The following RORA variants were observed in gnomAD, a reference collection of about 807,000 sequenced individuals.
The protein encoded by RORA is nuclear receptor ROR-alpha.
Under a neutral mutation model 69.5 loss-of-function variants are expected in RORA, and 7 were observed. The ratio of observed to expected loss-of-function variants is 0.10; its 90% confidence interval spans 0.06 to 0.19. The LOEUF (loss-of-function observed/expected upper bound fraction) is 0.19, where lower values mean the gene tolerates loss of function less well. Among genes scored for constraint, RORA ranks in the 10% least tolerant of loss-of-function variants. The pLI, the probability that RORA is intolerant of heterozygous loss-of-function variation, is 1.00. For synonymous variants in RORA, 261 were observed against 240.8 expected, an observed-to-expected ratio of 1.08 and a Z score of -0.78; for missense variants, 457 against 663.0, an observed-to-expected ratio of 0.69 and a Z score of 3.41.
intron 1 of RORA, among the ~76,000 whole-genome samples, chr15:61,004,117 G>T (rs898823737): frequency 6.6e-6 from 1 of 152,166 alleles, no homozygotes; most frequent in African/African-American, 2.4e-5. Context: ...CAGACAAGAG[G>T]AGGTTTCAAC....
chr15:60,514,784 C>T (rs757019111), intron 3 of RORA, 27 bp from the exon 4 acceptor site: 76 of 1,605,236 alleles, frequency 4.7e-5, no homozygotes, highest in Non-Finnish European at 4.8e-5. Context: ...AAATATAAAA[C>T]AGGTTAGTGT....
intron 1 of RORA, among the ~76,000 whole-genome samples, chr15:61,024,820 G>T (rs1895719113): frequency 6.6e-6 from 1 of 152,126 alleles, no homozygotes; most frequent in African/African-American, 2.4e-5. Flanking sequence ...CTGAGCTCTT[G>T]AGCTCAAGCA....
rs1484002386 is a variant in RORA at position 60,534,306 on chromosome 15, CAGTTGT to C, written c.197-2461_197-2456del. Among the ~76,000 whole-genome samples, 1 of 152,084 alleles carries C rather than the reference CAGTTGT, an allele frequency of 6.6e-6. No homozygotes were observed. Among genetic ancestry groups the C allele is most frequent in the Non-Finnish European group, 1.5e-5 (1 of 68,024 alleles). On this transcript the variant is annotated intron_variant, in intron 2 of 10. Coordinates refer to ENST00000335670, the MANE Select transcript of RORA (RefSeq NM_134261.3). This position sits in a 1 kb window ranked among gnomAD's most constrained non-coding sequence, Gnocchi z 5.0. ...TGAGGGTAGGGGTGCGGGTGGGGAG[CAGTTGT>C]AGTACAGACCCCAGAGTTTGGTGCC...
chr15:60,613,622 T>C (rs1400863165), intron 2 of RORA, among the ~76,000 whole-genome samples: 5 of 152,138 alleles, frequency 3.3e-5, no homozygotes, highest in Non-Finnish European at 7.4e-5. Flanking sequence ...TGTCTCTTTG[T>C]GAACTCTTTT....
chr15:60,964,044 T>G (rs1294820102), intron 1 of RORA, among the ~76,000 whole-genome samples: 1 of 152,238 alleles, frequency 6.6e-6, no homozygotes, highest in Non-Finnish European at 1.5e-5. Context: ...AAACCCCTGT[T>G]GTCCTGTAAG....
intron 1 of RORA, among the ~76,000 whole-genome samples, chr15:60,754,803 T>C (rs1378327839): frequency 6.6e-6 from 1 of 152,124 alleles, no homozygotes; most frequent in African/African-American, 2.4e-5. Flanking sequence ...TTCCAGTTGG[T>C]GGCAAAGCTG....
chr15:60,924,019 G>T (rs2140492287), intron 1 of RORA, among the ~76,000 whole-genome samples: 1 of 152,362 alleles, frequency 6.6e-6, no homozygotes, highest in Non-Finnish European at 1.5e-5. Flanking sequence ...AGCACTGGCA[G>T]AGGTGGGTCC....
chr15:60,991,544 T>A (rs1894377518), intron 1 of RORA, among the ~76,000 whole-genome samples: 1 of 122,138 alleles, frequency 8.2e-6, no homozygotes, highest in Admixed American at 9.0e-5. Context: ...GTTAAAAAAA[T>A]GGCTCAAAAG....
intron 1 of RORA, among the ~76,000 whole-genome samples, chr15:61,013,708 T>C (rs1895169887): frequency 6.6e-6 from 1 of 151,820 alleles, no homozygotes; most frequent in Non-Finnish European, 1.5e-5. Flanking sequence ...AATTAATGTA[T>C]AGTATACTGG....
intron 1 of RORA, among the ~76,000 whole-genome samples, chr15:60,946,171 G>C (rs893742679): frequency 6.6e-6 from 1 of 152,176 alleles, no homozygotes; most frequent in African/African-American, 2.4e-5. Flanking sequence ...CACCCTGAGT[G>C]TCCTATGTCC....
intron 1 of RORA, among the ~76,000 whole-genome samples, chr15:60,855,700 A>G (rs532554583): frequency 1.3e-5 from 2 of 152,290 alleles, no homozygotes; most frequent in South Asian, 4.2e-4. Flanking sequence ...AGCTCACTGC[A>G]GCCTCCGCCT....
chr15:61,110,056 T>C (rs2078989171), intron 1 of RORA, among the ~76,000 whole-genome samples: 1 of 152,162 alleles, frequency 6.6e-6, no homozygotes. Flanking sequence ...CACACATTTG[T>C]GGTGATGCTG....
intron 1 of RORA, among the ~76,000 whole-genome samples, chr15:60,893,051 G>T (rs1262172804): frequency 6.6e-6 from 1 of 152,164 alleles, no homozygotes; most frequent in Non-Finnish European, 1.5e-5. Context: ...AGCTTGCAAA[G>T]GGTCATCTAA....
intron 1 of RORA, among the ~76,000 whole-genome samples, chr15:61,084,453 T>C (rs941692073): frequency 6.6e-6 from 1 of 152,150 alleles, no homozygotes; most frequent in Admixed American, 6.6e-5. Flanking sequence ...TTACAAGAGA[T>C]GGATAATTTA....
intron 1 of RORA, among the ~76,000 whole-genome samples, chr15:60,819,286 C>A (rs1567201841): frequency 6.6e-6 from 1 of 152,102 alleles, no homozygotes; most frequent in Non-Finnish European, 1.5e-5. Context: ...TTTCATGAAA[C>A]CATGATGTAC....
At chr15:61,049,671 T>C (rs1897209706) in intron 1 of RORA, among the ~76,000 whole-genome samples, 1 of 152,158 alleles carries the variant, frequency 6.6e-6, no homozygotes, top group Non-Finnish European at 1.5e-5. Context: ...TTTCTTTTTT[T>C]CTTTCTGAGA....
intron 1 of RORA, among the ~76,000 whole-genome samples, chr15:61,168,392 C>T (rs895452376): frequency 3.9e-5 from 6 of 151,946 alleles, no homozygotes; most frequent in African/African-American, 1.2e-4. Flanking sequence ...CCATGCCCAA[C>T]TAATTTTTGT....
chr15:60,492,037 T>C lies in RORA; in HGVS notation c.*5418A>G, dbSNP rs1221885789. On this transcript the variant is annotated 3_prime_UTR_variant, in exon 11 of 11. Coordinates refer to ENST00000335670, the MANE Select transcript of RORA (RefSeq NM_134261.3). ...ATGTAAAAATGTCAACGTGTGTGTG[T>C]ATACACACATATACAAATACACATA... 6.6e-6 allele frequency: 1 copy of C among 151,934 alleles called. No homozygotes were observed. Among genetic ancestry groups the C allele is most frequent in the Non-Finnish European group, 1.5e-5 (1 of 68,002 alleles). 9.4% of individuals were successfully genotyped at this position (151,934 alleles called of 1,614,324 possible).
intron 2 of RORA, among the ~76,000 whole-genome samples, chr15:60,565,434 T>C (rs906403828): frequency 2.0e-5 from 3 of 152,228 alleles, no homozygotes; most frequent in African/African-American, 7.2e-5. Flanking sequence ...ACCTTGTTGC[T>C]GAATAATGAA....
Sources: allele counts gnomAD v4.1 joint callset (sites outside exome capture counted in the v4.1 genomes callset), GRCh38; gene constraint gnomAD v4.1.1; non-coding constraint Gnocchi (gnomAD v3.1); transcripts MANE v1.5; gene names NCBI Gene and HGNC (gene_info 2026-07-23, HGNC 2026-07-21).